ANXA8: variants seen among roughly 807,000 people sequenced by gnomAD.
ANXA8 encodes annexin A8.
Under a neutral mutation model 26.8 loss-of-function variants are expected in ANXA8, and 9 were observed. The observed-to-expected ratio is 0.34, with a 90% CI of 0.20 to 0.59. The LOEUF (loss-of-function observed/expected upper bound fraction) is 0.59. Among genes scored for constraint, ANXA8 ranks in the 20% least tolerant of loss-of-function variants. The probability of loss-of-function intolerance (pLI) is 0.84; values close to 1 mark genes in which losing one functional copy is unlikely to be tolerated. For missense variants in ANXA8, 83 were observed against 238.5 expected, an observed-to-expected ratio of 0.35 and a Z score of 4.29; for synonymous variants, 39 against 94.8, an observed-to-expected ratio of 0.41 and a Z score of 3.42.
the ANXA8 span, chr10:47,564,891 TC>T: frequency 6.8e-7 from 1 of 1,475,304 alleles, no homozygotes; most frequent in Non-Finnish European, 9.5e-7. Flanking sequence ...TTCTTGCGGG[TC>T]CCCATCAACG....
chr10:47,693,337 T>TAG, the ANXA8 span, among the ~76,000 whole-genome samples: 1 of 150,664 alleles, frequency 6.6e-6, no homozygotes, highest in Middle Eastern at 3.4e-3. Context: ...GCACCCAGGC[T>TAG]AGAGTGCAGT....
At chr10:47,943,073 C>CAGAA in the ANXA8 span, among the ~76,000 whole-genome samples, 29 of 145,518 alleles carry the variant, frequency 2.0e-4, 3 homozygotes, top group Non-Finnish European at 1.5e-5. Context: ...CTTGGGATCA[C>CAGAA]ACATTGTTTC....
the ANXA8 span, among the ~76,000 whole-genome samples, chr10:47,678,835 G>A: frequency 0.043 from 6,295 of 145,366 alleles, 161 homozygotes; most frequent in African/African-American, 0.16. Context: ...TTGAGATCAG[G>A]AGTTTGAGAC....
chr10:47,768,111 TC>T, the ANXA8 span, among the ~76,000 whole-genome samples: 1 of 150,826 alleles, frequency 6.6e-6, no homozygotes, highest in Non-Finnish European at 1.5e-5. Flanking sequence ...TTGTCCTTCC[TC>T]AATCGTCACC....
At chr10:47,944,855 G>C in the ANXA8 span, among the ~76,000 whole-genome samples, 323 of 145,324 alleles carry the variant, frequency 2.2e-3, 9 homozygotes, top group African/African-American at 8.1e-3. Flanking sequence ...GACAGCCTGG[G>C]CCCCACCCAC....
At chr10:47,665,859 A>G in the ANXA8 span, among the ~76,000 whole-genome samples, 1 of 151,844 alleles carries the variant, frequency 6.6e-6, no homozygotes, top group Non-Finnish European at 1.5e-5. Context: ...TTTATAACAA[A>G]GTATAACTCA....
At chr10:47,497,021 C>A in the ANXA8 span, among the ~76,000 whole-genome samples, 1 of 150,284 alleles carries the variant, frequency 6.7e-6, no homozygotes, top group Non-Finnish European at 1.5e-5. Context: ...TTTTCTCAAA[C>A]GTTAAAATTT....
the ANXA8 span, among the ~76,000 whole-genome samples, chr10:47,680,748 T>A: frequency 6.6e-6 from 1 of 151,882 alleles, no homozygotes; most frequent in Non-Finnish European, 1.5e-5. Context: ...AAAAAATAAA[T>A]TTTTAAAAGG....
chr10:47,585,367 A>G, the ANXA8 span, among the ~76,000 whole-genome samples: 226 of 143,022 alleles, frequency 1.6e-3, no homozygotes, highest in Non-Finnish European at 2.4e-3. Context: ...GTTCTATACT[A>G]GACTCTTACA....
At chr10:47,659,209 A>G in the ANXA8 span, among the ~76,000 whole-genome samples, 3 of 151,712 alleles carry the variant, frequency 2.0e-5, no homozygotes, top group Non-Finnish European at 4.4e-5. Context: ...AGCATGTGGC[A>G]CATAGTAGGC....
At chr10:47,991,539 C>A in the ANXA8 span, 1 of 1,573,646 alleles carries the variant, frequency 6.4e-7, no homozygotes, top group South Asian at 1.1e-5. Flanking sequence ...CCCTTCCCAC[C>A]CTCCATGCTT....
the ANXA8 span, among the ~76,000 whole-genome samples, chr10:47,497,599 A>ATAGAGTGAGGGAT: frequency 6.9e-6 from 1 of 145,772 alleles, no homozygotes; most frequent in African/African-American, 2.5e-5. Context: ...AGCCTGGCCA[A>ATAGAGTGAGGGAT]CAAAAGCAAA....
the ANXA8 span, among the ~76,000 whole-genome samples, chr10:47,700,582 T>C: frequency 2.0e-5 from 3 of 151,556 alleles, no homozygotes; most frequent in Admixed American, 6.6e-5. Context: ...CTCTGTAATC[T>C]TGGTGTAGGG....
the ANXA8 span, among the ~76,000 whole-genome samples, chr10:47,969,747 G>A: frequency 6.0e-5 from 9 of 150,076 alleles, no homozygotes; most frequent in Non-Finnish European, 1.3e-4. Context: ...ATGGGGTCTC[G>A]CTTTGTTGCC....
the ANXA8 span, among the ~76,000 whole-genome samples, chr10:47,723,252 A>G: frequency 1.9e-5 from 1 of 53,752 alleles, no homozygotes; most frequent in African/African-American, 6.6e-5. Flanking sequence ...TAGCCTATAA[A>G]GACAGTCCCA....
chr10:47,647,856 G>A, the ANXA8 span, among the ~76,000 whole-genome samples: 1 of 151,834 alleles, frequency 6.6e-6, no homozygotes, highest in Admixed American at 6.6e-5. Context: ...GGAAATAGGA[G>A]AAAAAAGTAA....
At chr10:47,957,270 T>C in the ANXA8 span, among the ~76,000 whole-genome samples, 3 of 150,416 alleles carry the variant, frequency 2.0e-5, no homozygotes, top group Non-Finnish European at 4.4e-5. Flanking sequence ...GTCAGTTGTG[T>C]CTCTGAGGAC....
chr10:47,977,580 A>C, the ANXA8 span, among the ~76,000 whole-genome samples: 1 of 151,520 alleles, frequency 6.6e-6, no homozygotes, highest in African/African-American at 2.4e-5. Context: ...AAAGCATGAC[A>C]ATGATGTCTT....
At chr10:47,643,516 G>A in the ANXA8 span, among the ~76,000 whole-genome samples, 10 of 148,184 alleles carry the variant, frequency 6.7e-5, no homozygotes, top group Admixed American at 3.3e-4. Context: ...GTGACAGAGC[G>A]AGACTCCATA....
Sources: gnomAD v4.1 joint callset for allele counts (sites outside exome capture counted in the v4.1 genomes callset) on GRCh38, gnomAD v4.1.1 for gene constraint, MANE v1.5 for transcripts, NCBI Gene and HGNC (gene_info 2026-07-23, HGNC 2026-07-21) for gene names.